FHIT: variants seen among roughly 807,000 people sequenced by gnomAD.
FHIT encodes the protein bis(5'-adenosyl)-triphosphatase.
In FHIT, 19 loss-of-function variants were observed where a neutral mutation model predicts 17.9. The ratio of observed to expected loss-of-function variants is 1.06; its 90% CI spans 0.74 to 1.56. FHIT has a LOEUF of 1.56. Among genes scored for constraint, FHIT ranks in the 40% most tolerant of loss-of-function variants. The pLI, the probability that FHIT is intolerant of heterozygous loss-of-function variation, is 0.00. For missense variants in FHIT, 248 were observed against 189.2 expected, an observed-to-expected ratio of 1.31 and a Z score of -1.82; for synonymous variants, 81 against 69.7, an observed-to-expected ratio of 1.16 and a Z score of -0.81.
At chr3:61,035,907 T>C (rs907637521) in intron 3 of FHIT, among the ~76,000 whole-genome samples, 2 of 152,114 alleles carry the variant, frequency 1.3e-5, no homozygotes, top group Non-Finnish European at 2.9e-5. Flanking sequence ...CCCTCAAAGG[T>C]GTTCAGTTTC....
intron 3 of FHIT, among the ~76,000 whole-genome samples, chr3:60,905,283 A>G (rs782240783): frequency 3.9e-5 from 6 of 152,144 alleles, no homozygotes; most frequent in Non-Finnish European, 7.3e-5. Context: ...AAGTTGAAAA[A>G]CTTGACAATA....
chr3:60,791,526 A>T (rs1263222443), intron 4 of FHIT, among the ~76,000 whole-genome samples: 1 of 152,220 alleles, frequency 6.6e-6, no homozygotes, highest in Non-Finnish European at 1.5e-5. Flanking sequence ...TCAACAATGA[A>T]CCAGTACTCT....
chr3:61,140,084 TG>T lies in FHIT; in HGVS notation c.-164+60532del, dbSNP rs1560013897. Among the ~76,000 whole-genome samples, 4 of 151,874 alleles carry T rather than the reference TG, an allele frequency of 2.6e-5. No homozygotes were observed. In the South Asian group the frequency reaches 8.3e-4, roughly 32 times the overall value. On this transcript the variant is annotated intron_variant, in intron 2 of 9. Coordinates refer to ENST00000492590, the MANE Select transcript of FHIT (RefSeq NM_002012.4). ...TAAAGCATAAAGGTCAAGAGCACTT[TG>T]GGGGCAGCCAGCCCTAGGTCAAGAA... is the stretch of plus-strand genomic sequence containing the variant.
rs138519634 is a variant in FHIT, at chr3:60,480,806, G to A, written c.103+56054C>T. On this transcript the variant is annotated intron_variant, in intron 5 of 9. Coordinates refer to ENST00000492590, the MANE Select transcript of FHIT (RefSeq NM_002012.4). ...CACCCCTCTCCCCCAACTCCCCAAC[G>A]GCTGCTTTCACAGCTGTCGTTGAGT... 1.2e-4 allele frequency among the ~76,000 whole-genome samples: 19 copies of A among 152,276 alleles called. No individual in the cohort carries two copies. In the South Asian group the frequency reaches 1.4e-3, roughly 12 times the overall value.
chr3:60,897,174 T>C (rs1204368259), intron 3 of FHIT, among the ~76,000 whole-genome samples: 1 of 152,232 alleles, frequency 6.6e-6, no homozygotes, highest in Non-Finnish European at 1.5e-5. Flanking sequence ...TAATGTATTA[T>C]GGCTCATTCA....
chr3:60,895,237 G>C (rs1447917), intron 3 of FHIT, among the ~76,000 whole-genome samples: 82,796 of 151,970 alleles, frequency 0.54, 25,526 homozygotes, highest in East Asian at 0.9. Flanking sequence ...CATAGTACAT[G>C]TTTTTGAAAG....
chr3:59,990,373 T>C (rs1709173045), intron 7 of FHIT, among the ~76,000 whole-genome samples: 1 of 152,080 alleles, frequency 6.6e-6, no homozygotes. Context: ...TTTGTATCAG[T>C]TGCTGGTTCA....
In FHIT at chr3:61,076,485, C is replaced by T. The variant is rs114201256; in HGVS notation, c.-163-34386G>A. Among the ~76,000 whole-genome samples the T allele has an allele frequency of 8.7e-3, 1,320 of 152,192 alleles. 18 individuals carry two copies. Among genetic ancestry groups the T allele is most frequent in the African/African-American group, 0.03 (1,248 of 41,520 alleles). Reference sequence around the variant, plus strand: ...TAGGACCAAGATGGTGAATGCTGAACGGACCATGCATGCCTCAGTCTGTCA... The same window carrying T: ...TAGGACCAAGATGGTGAATGCTGAATGGACCATGCATGCCTCAGTCTGTCA... On this transcript the variant is annotated intron_variant, in intron 2 of 9. Transcript: ENST00000492590.
intron 4 of FHIT, among the ~76,000 whole-genome samples, chr3:60,763,628 C>G (rs1227843186): frequency 1.3e-5 from 2 of 152,158 alleles, no homozygotes; most frequent in African/African-American, 2.4e-5. Flanking sequence ...ATGTATCCAG[C>G]AACACATGGC....
At chr3:59,773,267 G>A (rs17295332) in intron 8 of FHIT, among the ~76,000 whole-genome samples, 17,779 of 152,128 alleles carry the variant, frequency 0.12, 1,236 homozygotes, top group Admixed American at 0.19. Flanking sequence ...TGGGTGACCC[G>A]GAAAATAAGC....
chr3:60,835,860 C>T (rs1461456728), intron 3 of FHIT, among the ~76,000 whole-genome samples: 1 of 152,190 alleles, frequency 6.6e-6, no homozygotes, highest in Non-Finnish European at 1.5e-5. Context: ...AGCAATCCAC[C>T]TGCCTCGGCC....
At chr3:60,654,516 A>G (rs376485462) in intron 4 of FHIT, among the ~76,000 whole-genome samples, 1 of 152,168 alleles carries the variant, frequency 6.6e-6, no homozygotes, top group African/African-American at 2.4e-5. Context: ...ACTTGAAGAT[A>G]TTATTGAGGT....
chr3:60,595,804 T>C (rs1456080838), intron 4 of FHIT, among the ~76,000 whole-genome samples: 2 of 150,394 alleles, frequency 1.3e-5, no homozygotes, highest in African/African-American at 4.8e-5. Flanking sequence ...CCGCCATGCC[T>C]GGCTAATTTT....
Position 60,347,689 on chromosome 3 carries a change from G to GGGT in FHIT, c.103+189170_103+189171insACC, listed in dbSNP as rs1553750581. 1.8e-3 allele frequency among the ~76,000 whole-genome samples: 150 copies of GGGT among 85,342 alleles called. 6 individuals carry two copies. The highest frequency in any genetic ancestry group is 2.5e-3 in the Non-Finnish European group (106 of 41,926). The allele number at this position is 85,342 out of a possible 152,430, so 56.0% of individuals were successfully genotyped here. A position where few individuals can be genotyped will look rare whatever the true frequency, so the allele number is the denominator to read the frequency against. ...CACCACTGGTTTGGGGGGGGGGGGG[G>GGGT]TTTGTTTTTTGTTTTGTTTTGTTTT... On this transcript the variant is annotated intron_variant, in intron 5 of 9. Coordinates refer to ENST00000492590, the MANE Select transcript of FHIT (RefSeq NM_002012.4).
chr3:60,031,607 C>T (rs906663870), intron 5 of FHIT, among the ~76,000 whole-genome samples: 2 of 152,122 alleles, frequency 1.3e-5, no homozygotes, highest in Admixed American at 6.6e-5. Flanking sequence ...TTCAGAGTAA[C>T]CAAACAGCAC....
chr3:60,557,346 A>G (rs1243209914), intron 4 of FHIT, among the ~76,000 whole-genome samples: 1 of 152,228 alleles, frequency 6.6e-6, no homozygotes, highest in East Asian at 1.9e-4. Context: ...TTTCATGTAA[A>G]TGATCATTCC....
intron 3 of FHIT, among the ~76,000 whole-genome samples, chr3:60,984,317 T>G (rs1318566212): frequency 6.6e-6 from 1 of 152,244 alleles, no homozygotes; most frequent in African/African-American, 2.4e-5. Context: ...AAGGAATTGA[T>G]CTGCTAATGT....
At chr3:60,406,898 G>A (rs1285793158) in intron 5 of FHIT, among the ~76,000 whole-genome samples, 3 of 152,076 alleles carry the variant, frequency 2.0e-5, no homozygotes, top group South Asian at 2.1e-4. Flanking sequence ...ATAAACAGAA[G>A]ACTGAAAAGA....
intron 8 of FHIT, among the ~76,000 whole-genome samples, chr3:59,793,303 C>T (rs1235769407): frequency 6.6e-6 from 1 of 152,152 alleles, no homozygotes; most frequent in Non-Finnish European, 1.5e-5. Flanking sequence ...AATAATGAAG[C>T]AGCCTGTTTT....
Sources: allele counts gnomAD v4.1 joint callset (sites outside exome capture counted in the v4.1 genomes callset), GRCh38; gene constraint gnomAD v4.1.1; transcripts MANE v1.5; gene names NCBI Gene and HGNC (gene_info 2026-07-23, HGNC 2026-07-21).